ACVR1: variants seen among roughly 807,000 people sequenced by gnomAD.
ACVR1 encodes the protein activin A receptor type 1.
Under a neutral mutation model 57.1 loss-of-function variants are expected in ACVR1, and 38 were observed. The ratio of observed to expected loss-of-function variants is 0.67; its 90% confidence interval spans 0.51 to 0.87. The LOEUF is 0.87. ACVR1 is among the 40% of genes least tolerant of loss of function. The pLI is 0.00. For missense variants in ACVR1, 463 were observed against 638.2 expected (o/e 0.73, Z 2.96); for synonymous variants, 212 against 228.1 (o/e 0.93, Z 0.63).
intron 1 of ACVR1, among the ~76,000 whole-genome samples, chr2:157,824,093 GAAGTGACGATT>G (rs1688251928): frequency 6.6e-6 from 1 of 152,208 alleles, no homozygotes; most frequent in Non-Finnish European, 1.5e-5. Flanking sequence ...TATAAGAAGA[GAAGTGACGATT>G]ACCAGGGTTG....
intron 3 of ACVR1, among the ~76,000 whole-genome samples, chr2:157,789,144 T>A (rs902962091): frequency 6.6e-6 from 1 of 152,194 alleles, no homozygotes; most frequent in Non-Finnish European, 1.5e-5. Flanking sequence ...ACAGTTAAAT[T>A]TGAGTCATTT....
At chr2:157,755,761 T>C (rs1195385429) in intron 9 of ACVR1, among the ~76,000 whole-genome samples, 3 of 151,942 alleles carry the variant, frequency 2.0e-5, no homozygotes, top group Non-Finnish European at 4.4e-5. Context: ...ACAAATTCAA[T>C]GAAATTCCCA....
chr2:157,831,756 A>C (rs1688586172), intron 1 of ACVR1, among the ~76,000 whole-genome samples: 2 of 152,156 alleles, frequency 1.3e-5, no homozygotes. Context: ...GGAGAGCCCA[A>C]TCCTTGGCTT....
chr2:157,840,323 T>C (rs1688934691), intron 1 of ACVR1, among the ~76,000 whole-genome samples: 2 of 152,244 alleles, frequency 1.3e-5, no homozygotes, highest in Admixed American at 6.5e-5. Flanking sequence ...GGGTTGGAGT[T>C]TTCCATCACC....
intron 1 of ACVR1, among the ~76,000 whole-genome samples, chr2:157,866,289 G>C (rs73966139): frequency 1.3e-5 from 2 of 152,226 alleles, no homozygotes; most frequent in Admixed American, 6.5e-5. Context: ...ATCTGAGACA[G>C]ATTCACCGCA....
chr2:157,778,411 T>C, intron 4 of ACVR1, 69 bp from the exon 5 acceptor site: 1 of 1,307,718 alleles, frequency 7.6e-7, no homozygotes, highest in Admixed American at 1.9e-5. Flanking sequence ...GCATAACCAA[T>C]ATCCTAACAA....
intron 7 of ACVR1, among the ~76,000 whole-genome samples, chr2:157,766,656 C>T (rs1685871661): frequency 6.6e-6 from 1 of 152,094 alleles, no homozygotes; most frequent in African/African-American, 2.4e-5. Context: ...GGCTCCTTAG[C>T]CTATATCTGC....
chr2:157,839,155 GGAAGCTGTGCCCAGAGCCCCTT>G (rs1473883080), intron 1 of ACVR1, among the ~76,000 whole-genome samples: 1 of 152,200 alleles, frequency 6.6e-6, no homozygotes, highest in African/African-American at 2.4e-5. Context: ...CCTGCTCACT[GGAAGCTGTGCCCAGAGCCCCTT>G]GCAGTCTGTT....
At position 157,875,817 on chromosome 2, in the gene ACVR1, G is replaced by A. The variant is rs1204370121; in HGVS notation, c.-204C>T. 1 of 151,378 alleles carries A rather than the reference G, an allele frequency of 6.6e-6. No individual in the cohort carries two copies. The highest frequency in any genetic ancestry group is 1.5e-5 in the Non-Finnish European group (1 of 67,404). 9.4% of individuals were successfully genotyped at this position (151,378 alleles called of 1,614,324 possible). Reference sequence around the variant, plus strand: ...TCACCTCGGGTCCCGCCGCGGCCGGGGGCTGAGCCGGGGGAGGCGGAGTGC... The same window carrying A: ...TCACCTCGGGTCCCGCCGCGGCCGGAGGCTGAGCCGGGGGAGGCGGAGTGC... On this transcript the variant is annotated 5_prime_UTR_variant, in exon 1 of 11. Coordinates refer to ENST00000434821, the MANE Select transcript of ACVR1 (RefSeq NM_001111067.4).
chr2:157,798,083 T>A (rs2105304366), intron 3 of ACVR1, among the ~76,000 whole-genome samples: 1 of 152,268 alleles, frequency 6.6e-6, no homozygotes, highest in Non-Finnish European at 1.5e-5. Flanking sequence ...TGTTGTAACA[T>A]CCCAAATAGG....
intron 9 of ACVR1, among the ~76,000 whole-genome samples, chr2:157,743,704 G>A (rs867227268): frequency 6.6e-6 from 1 of 150,644 alleles, no homozygotes; most frequent in African/African-American, 2.4e-5. Flanking sequence ...CACACTAGAT[G>A]GAATAAATAA....
intron 9 of ACVR1, among the ~76,000 whole-genome samples, chr2:157,740,882 T>A (rs1684731571): frequency 6.6e-6 from 1 of 152,218 alleles, no homozygotes; most frequent in Non-Finnish European, 1.5e-5. Context: ...TGGGATTTAG[T>A]CAAGCCTCTT....
Position 157,799,371 on chromosome 2 carries a change from CA to C in ACVR1, c.67+55del, listed in dbSNP as rs3030646. The C allele has an allele frequency of 1.3e-3, 1,400 of 1,103,808 alleles. 2 individuals carry two copies. The highest frequency in any genetic ancestry group is 2.1e-3 in the Middle Eastern group (10 of 4,798). 68.4% of individuals were successfully genotyped at this position (1,103,808 alleles called of 1,614,324 possible). A position where few individuals can be genotyped will look rare whatever the true frequency, so the allele number is the denominator to read the frequency against. ...GCTTAAGAAGTAGTTTATAGTAAGC[CA>C]AAAAAAAAAATCACAGTATACTTAT... On this transcript the variant is annotated intron_variant, in intron 3 of 10. Coordinates refer to ENST00000434821, the MANE Select transcript of ACVR1 (RefSeq NM_001111067.4).
intron 2 of ACVR1, among the ~76,000 whole-genome samples, chr2:157,818,092 C>G (rs979518488): frequency 6.6e-6 from 1 of 151,458 alleles, no homozygotes; most frequent in African/African-American, 2.4e-5. Context: ...GGCAGGGAAA[C>G]ACTGGTAGTA....
At chr2:157,813,757 T>G (rs1396558227) in intron 2 of ACVR1, among the ~76,000 whole-genome samples, 1 of 152,218 alleles carries the variant, frequency 6.6e-6, no homozygotes, top group African/African-American at 2.4e-5. Context: ...AAATAAACTT[T>G]TGTGTTCTTT....
At chr2:157,765,423 G>T (rs756328970) in intron 8 of ACVR1, among the ~76,000 whole-genome samples, 25 of 152,226 alleles carry the variant, frequency 1.6e-4, no homozygotes. Context: ...CTTCTGAGGT[G>T]GGGTGTGGCA....
intron 9 of ACVR1, among the ~76,000 whole-genome samples, chr2:157,739,580 G>T (rs1490577250): frequency 6.6e-6 from 1 of 152,096 alleles, no homozygotes; most frequent in Non-Finnish European, 1.5e-5. Context: ...TCCTCCAGGC[G>T]ACTTTCTTCT....
At chr2:157,802,218 G>A (rs1232664833) in intron 2 of ACVR1, among the ~76,000 whole-genome samples, 1 of 152,154 alleles carries the variant, frequency 6.6e-6, no homozygotes, top group Admixed American at 6.5e-5. Context: ...GTGGGAGAGG[G>A]TGAATACAGG....
intron 1 of ACVR1, among the ~76,000 whole-genome samples, chr2:157,857,909 C>T (rs1244994889): frequency 6.6e-6 from 1 of 152,086 alleles, no homozygotes; most frequent in East Asian, 1.9e-4. Flanking sequence ...TGTGTGAATG[C>T]TCCTTGTAAT....
Sources: allele counts gnomAD v4.1 joint callset (sites outside exome capture counted in the v4.1 genomes callset), GRCh38; gene constraint gnomAD v4.1.1; transcripts MANE v1.5; gene names NCBI Gene and HGNC (gene_info 2026-07-23, HGNC 2026-07-21).